MSI2: variants seen among roughly 807,000 people sequenced by gnomAD.
The protein encoded by MSI2 is RNA-binding protein Musashi homolog 2.
Under a neutral mutation model 45.6 loss-of-function variants are expected in MSI2, and 17 were observed. The ratio of observed to expected loss-of-function variants is 0.37; its 90% CI spans 0.26 to 0.56. MSI2 has a LOEUF of 0.56. Among genes scored for constraint, MSI2 ranks in the 20% least tolerant of loss-of-function variants. The pLI, the probability that MSI2 is intolerant of heterozygous loss-of-function variation, is 0.77. For synonymous variants in MSI2, 156 were observed against 158.2 expected (o/e 0.99, Z 0.11); for missense variants, 293 against 444.2 (o/e 0.66, Z 3.06).
intron 6 of MSI2, among the ~76,000 whole-genome samples, chr17:57,516,263 G>A (rs1025590380): frequency 1.3e-5 from 2 of 152,098 alleles, no homozygotes; most frequent in East Asian, 1.9e-4. Flanking sequence ...TAATGTTGTC[G>A]TTTTGAGAAT....
chr17:57,358,725 C>T (rs2143886243), intron 5 of MSI2, among the ~76,000 whole-genome samples: 1 of 152,152 alleles, frequency 6.6e-6, no homozygotes, highest in African/African-American at 2.4e-5. Context: ...AATTTTAGGA[C>T]AAATAAAAGA....
downstream of MSI2, among the ~76,000 whole-genome samples, chr17:57,688,376 A>G (rs1343821981): frequency 6.6e-6 from 1 of 152,164 alleles, no homozygotes; most frequent in Non-Finnish European, 1.5e-5. Flanking sequence ...CCTCTCCAGT[A>G]GTAAGCACTC....
At chr17:57,484,198 G>A (rs1271685723) in intron 6 of MSI2, among the ~76,000 whole-genome samples, 2 of 152,150 alleles carry the variant, frequency 1.3e-5, no homozygotes, top group African/African-American at 2.4e-5. Context: ...TCCGTTAGCA[G>A]TCGCTTCTCT....
intron 7 of MSI2, among the ~76,000 whole-genome samples, chr17:57,591,444 C>A (rs1904814444): frequency 6.6e-6 from 1 of 152,070 alleles, no homozygotes; most frequent in Admixed American, 6.5e-5. Context: ...AAAATATAAG[C>A]CGGTGTGGTG....
chr17:57,354,229 T>C (rs1328258135), intron 5 of MSI2, among the ~76,000 whole-genome samples: 1 of 152,216 alleles, frequency 6.6e-6, no homozygotes, highest in Non-Finnish European at 1.5e-5. Context: ...CTGCATGCTA[T>C]AGTTTGCCAA....
chr17:57,339,750 G>A (rs1914978665), intron 5 of MSI2, among the ~76,000 whole-genome samples: 1 of 152,086 alleles, frequency 6.6e-6, no homozygotes, highest in African/African-American at 2.4e-5. Flanking sequence ...CTGCTTCTGT[G>A]TCTCCACCCG....
chr17:57,384,161 A>G (rs1351790547), intron 5 of MSI2, among the ~76,000 whole-genome samples: 1 of 152,234 alleles, frequency 6.6e-6, no homozygotes, highest in Admixed American at 6.5e-5. Flanking sequence ...TAGCAGCTTC[A>G]GGTAACAATT....
At chr17:57,458,073 A>G (rs2085150145) in intron 6 of MSI2, among the ~76,000 whole-genome samples, 1 of 151,880 alleles carries the variant, frequency 6.6e-6, no homozygotes, top group Admixed American at 6.6e-5. Flanking sequence ...ATTTTAATAA[A>G]CTATATTAGC....
At chr17:57,438,909 C>G (rs1277774603) in intron 6 of MSI2, among the ~76,000 whole-genome samples, 1 of 151,888 alleles carries the variant, frequency 6.6e-6, no homozygotes. Flanking sequence ...AAGCAATTGT[C>G]CTGCCTCAGC....
intron 10 of MSI2, among the ~76,000 whole-genome samples, chr17:57,650,767 C>G (rs146083299): frequency 6.6e-6 from 1 of 152,098 alleles, no homozygotes; most frequent in African/African-American, 2.4e-5. Flanking sequence ...TCAGTAGTAC[C>G]GTGTAGCTAG....
chr17:57,331,746 G>A (rs1192661487), intron 5 of MSI2, among the ~76,000 whole-genome samples: 1 of 152,154 alleles, frequency 6.6e-6, no homozygotes, highest in African/African-American at 2.4e-5. Context: ...TCAGAACAGT[G>A]AAGGCGTATC....
intron 6 of MSI2, among the ~76,000 whole-genome samples, chr17:57,524,353 A>G (rs1180241316): frequency 6.6e-6 from 1 of 152,238 alleles, no homozygotes; most frequent in Non-Finnish European, 1.5e-5. Context: ...GAGACCATTC[A>G]TATCATCAGT....
At chr17:57,431,292 G>A (rs1390768608) in intron 6 of MSI2, among the ~76,000 whole-genome samples, 1 of 152,210 alleles carries the variant, frequency 6.6e-6, no homozygotes, top group African/African-American at 2.4e-5. Context: ...AGAGCCCTGT[G>A]GTTCAGAACG....
intron 5 of MSI2, among the ~76,000 whole-genome samples, chr17:57,271,655 G>A (rs1340287458): frequency 6.6e-6 from 1 of 150,492 alleles, no homozygotes; most frequent in Non-Finnish European, 1.5e-5. Flanking sequence ...AGAAAATGGT[G>A]TAGGAATGTA....
intron 5 of MSI2, among the ~76,000 whole-genome samples, chr17:57,391,802 T>C (rs1453180713): frequency 1.3e-5 from 2 of 152,228 alleles, no homozygotes; most frequent in Admixed American, 6.5e-5. Context: ...GGGGCCTCTT[T>C]TGTATGCAGA....
chr17:57,512,914 C>T (rs567583613), intron 6 of MSI2, among the ~76,000 whole-genome samples: 18 of 150,200 alleles, frequency 1.2e-4, no homozygotes, highest in African/African-American at 4.4e-4. Context: ...TAATGGATGG[C>T]AGCTGTTTAG....
At chr17:57,689,725 G>A in the MSI2 span, among the ~76,000 whole-genome samples, 2 of 152,136 alleles carry the variant, frequency 1.3e-5, no homozygotes, top group African/African-American at 2.4e-5. Flanking sequence ...CTGACCTACT[G>A]TTAGTCACTA....
chr17:57,672,124 G>A (rs150994966), intron 11 of MSI2, among the ~76,000 whole-genome samples: 90 of 152,318 alleles, frequency 5.9e-4, no homozygotes, highest in Non-Finnish European at 9.4e-4. Context: ...CTGGCTGGGG[G>A]ACATCTGCAA....
chr17:57,598,915 G>A (rs190141777), intron 8 of MSI2, among the ~76,000 whole-genome samples: 116 of 152,180 alleles, frequency 7.6e-4, no homozygotes, highest in Middle Eastern at 3.4e-3. Flanking sequence ...CACCTGCCTC[G>A]GCCTCCCAAA....
Sources: allele counts gnomAD v4.1 joint callset (sites outside exome capture counted in the v4.1 genomes callset), GRCh38; gene constraint gnomAD v4.1.1; transcripts MANE v1.5; gene names NCBI Gene and HGNC (gene_info 2026-07-23, HGNC 2026-07-21).